The following ATXN1 variants were observed in gnomAD, a reference collection of about 807,000 sequenced individuals.
The protein encoded by ATXN1 is ataxin 1, also known as ataxin-1.
Under a neutral mutation model 56.4 loss-of-function variants are expected in ATXN1, and 8 were observed. That is an observed-to-expected ratio of 0.14 (90% confidence interval 0.08 to 0.26). The LOEUF is 0.26. Ranked by LOEUF, ATXN1 falls within the 10% of genes least tolerant of loss-of-function variation. The pLI, the probability that ATXN1 is intolerant of heterozygous loss-of-function variation, is 1.00. For missense variants in ATXN1, 987 were observed against 1,106.5 expected (o/e 0.89, Z 1.53); for synonymous variants, 514 against 494.6 (o/e 1.04, Z -0.52).
chr6:16,491,277 A>ATTTT (rs57395401), intron 5 of ATXN1, among the ~76,000 whole-genome samples: 2 of 132,220 alleles, frequency 1.5e-5, no homozygotes, highest in Non-Finnish European at 3.2e-5. Context: ...TATTATTATT[A>ATTTT]TTTTTTTTTT....
At chr6:16,372,470 T>A (rs1762060270) in intron 6 of ATXN1, among the ~76,000 whole-genome samples, 2 of 152,182 alleles carry the variant, frequency 1.3e-5, no homozygotes, top group African/African-American at 2.4e-5. Context: ...CATTACTCCA[T>A]CCCATGCTCA....
intron 6 of ATXN1, among the ~76,000 whole-genome samples, chr6:16,386,509 G>T (rs537585140): frequency 6.6e-6 from 1 of 152,252 alleles, no homozygotes; most frequent in South Asian, 2.1e-4. Context: ...AGAAATGCAA[G>T]GAGAAACCTA....
intron 6 of ATXN1, among the ~76,000 whole-genome samples, chr6:16,411,126 A>AAG (rs1758789770): frequency 4.2e-5 from 2 of 47,660 alleles, no homozygotes; most frequent in African/African-American, 1.7e-4. Context: ...CCTCTGTGTC[A>AAG]AAAAAAAAAA....
chr6:16,590,720 A>C (rs1405381185), intron 3 of ATXN1, among the ~76,000 whole-genome samples: 1 of 151,310 alleles, frequency 6.6e-6, no homozygotes, highest in Non-Finnish European at 1.5e-5. Context: ...CCCAGGTTGG[A>C]GTGCAGTGGT....
chr6:16,499,753 C>A (rs1444518613), intron 5 of ATXN1, among the ~76,000 whole-genome samples: 3 of 152,114 alleles, frequency 2.0e-5, no homozygotes, highest in Non-Finnish European at 4.4e-5. Context: ...GGCATGATAC[C>A]TAAGACTCTG....
At chr6:16,436,457 A>G (rs1177636627) in intron 6 of ATXN1, among the ~76,000 whole-genome samples, 2 of 152,232 alleles carry the variant, frequency 1.3e-5, no homozygotes, top group African/African-American at 4.8e-5. Flanking sequence ...TTAAGCAGAA[A>G]AGGGGGCTAG....
intron 4 of ATXN1, among the ~76,000 whole-genome samples, chr6:16,582,633 T>C (rs953732631): frequency 6.6e-6 from 1 of 152,184 alleles, no homozygotes; most frequent in Non-Finnish European, 1.5e-5. Flanking sequence ...ATGTGCAGTA[T>C]ATGGAAACAA....
chr6:16,369,473 G>A (rs547696661), intron 6 of ATXN1, among the ~76,000 whole-genome samples: 2 of 152,262 alleles, frequency 1.3e-5, no homozygotes, highest in African/African-American at 2.4e-5. Context: ...AAAGAAATAC[G>A]CTACAGAAAT....
intron 2 of ATXN1, among the ~76,000 whole-genome samples, chr6:16,662,238 T>C (rs1252627594): frequency 6.6e-6 from 1 of 152,222 alleles, no homozygotes; most frequent in Non-Finnish European, 1.5e-5. Context: ...TTTCCTACTT[T>C]AGGTGTGCAT....
chr6:16,706,628 G>A (rs1759412177), intron 2 of ATXN1, among the ~76,000 whole-genome samples: 1 of 151,780 alleles, frequency 6.6e-6, no homozygotes, highest in South Asian at 2.1e-4. Flanking sequence ...AGGAGACTGA[G>A]GCAGGAGAAT....
At chr6:16,683,280 G>C (rs1737212840) in intron 2 of ATXN1, among the ~76,000 whole-genome samples, 1 of 152,164 alleles carries the variant, frequency 6.6e-6, no homozygotes, top group South Asian at 2.1e-4. Flanking sequence ...AGAGAAAGAT[G>C]GTGCCCAATG....
In ATXN1 at chr6:16,596,073, T is replaced by C. The variant is rs116575622; in HGVS notation, c.-488-10166A>G. 7.6e-3 allele frequency among the ~76,000 whole-genome samples: 1,154 copies of C among 152,322 alleles called. 4 individuals are homozygous for C. The highest frequency in any genetic ancestry group is 0.015 in the Admixed American group (222 of 15,300). ...GTGCAATGGCACGATCATAGCTCAC[T>C]GCAGCCTCTAACTCCTGGGCTCAAG... On this transcript the variant is annotated intron_variant, in intron 3 of 7. Coordinates refer to ENST00000436367, the MANE Select transcript of ATXN1 (RefSeq NM_001128164.2).
At chr6:16,630,333 G>A (rs555224930) in intron 3 of ATXN1, among the ~76,000 whole-genome samples, 8 of 152,276 alleles carry the variant, frequency 5.3e-5, no homozygotes, top group African/African-American at 9.6e-5. Context: ...CTGAAGTTGC[G>A]AGGTCCATTT....
intron 4 of ATXN1, among the ~76,000 whole-genome samples, chr6:16,552,877 C>CGTGGCTGGGCCTCTTCTGTCTAAGGAT (rs1761947375): frequency 6.6e-6 from 1 of 152,224 alleles, no homozygotes; most frequent in African/African-American, 2.4e-5. Flanking sequence ...TCCAGAGCAA[C>CGTGGCTGGGCCTCTTCTGTCTAAGGAT]GTGGCTGGGC....
chr6:16,376,526 G>A (rs1025261561), intron 6 of ATXN1, among the ~76,000 whole-genome samples: 1 of 152,186 alleles, frequency 6.6e-6, no homozygotes, highest in African/African-American at 2.4e-5. Context: ...GAAGGAAACA[G>A]CTGACATGGG....
At chr6:16,553,599 G>C (rs1761960069) in intron 4 of ATXN1, among the ~76,000 whole-genome samples, 1 of 152,150 alleles carries the variant, frequency 6.6e-6, no homozygotes, top group Non-Finnish European at 1.5e-5. Flanking sequence ...CTTGGTACAT[G>C]GCAGACTCTC....
intron 5 of ATXN1, among the ~76,000 whole-genome samples, chr6:16,508,067 T>C (rs1761013203): frequency 6.6e-6 from 1 of 152,170 alleles, no homozygotes; most frequent in African/African-American, 2.4e-5. Flanking sequence ...CTTGGCTATA[T>C]GTCTTTTTTT....
intron 6 of ATXN1, among the ~76,000 whole-genome samples, chr6:16,394,964 C>T (rs1026402449): frequency 5.9e-5 from 9 of 152,162 alleles, no homozygotes; most frequent in African/African-American, 2.2e-4. Flanking sequence ...GACAGCCAAG[C>T]GTTCAACATA....
chr6:16,592,302 T>C (rs909482902), intron 3 of ATXN1, among the ~76,000 whole-genome samples: 1 of 152,212 alleles, frequency 6.6e-6, no homozygotes, highest in African/African-American at 2.4e-5. Context: ...CTTATTCCTA[T>C]ATGGGCTTAT....
Sources: gnomAD v4.1 joint callset for allele counts (sites outside exome capture counted in the v4.1 genomes callset) on GRCh38, gnomAD v4.1.1 for gene constraint, MANE v1.5 for transcripts, NCBI Gene and HGNC (gene_info 2026-07-23, HGNC 2026-07-21) for gene names.